The following GTSE1 variants were observed in gnomAD, a reference collection of about 807,000 sequenced individuals.
GTSE1 encodes G2 and S-phase expressed 1.
GTSE1 carries 52 observed loss-of-function variants against 60.5 expected under a neutral mutation model. The ratio of observed to expected loss-of-function variants is 0.86; its 90% CI spans 0.69 to 1.08. GTSE1 has a LOEUF of 1.08. GTSE1 is among the 50% of genes least tolerant of loss of function. The pLI, the probability that GTSE1 is intolerant of heterozygous loss-of-function variation, is 0.00. For missense variants in GTSE1, 937 were observed against 961.8 expected (o/e 0.97, Z 0.34); for synonymous variants, 368 against 386.5 (o/e 0.95, Z 0.56).
chr22:46,310,078 C>G lies in GTSE1; in HGVS notation c.762+1135C>G, dbSNP rs1293110521. 6.6e-6 allele frequency among the ~76,000 whole-genome samples: 1 copy of G among 152,190 alleles called. No homozygotes were observed. Among genetic ancestry groups the G allele is most frequent in the Non-Finnish European group, 1.5e-5 (1 of 68,034 alleles). The stretch of plus-strand genomic sequence containing the variant: ...GGGCACTGTCCGCACAGCTGAGATG[C>G]ACTCATGCACACGTGGGAGCCCCAC... On this transcript the variant is annotated intron_variant, in intron 4 of 11. Coordinates refer to ENST00000454366, the MANE Select transcript of GTSE1 (RefSeq NM_016426.7). This position sits in a 1 kb window ranked among gnomAD's most constrained non-coding sequence, Gnocchi z 4.4.
chr22:46,298,781 C>T (rs550587944), intron 2 of GTSE1, among the ~76,000 whole-genome samples: 2 of 152,354 alleles, frequency 1.3e-5, no homozygotes, highest in South Asian at 4.1e-4. Context: ...CCTGCTCCTT[C>T]TTGAGGCCTT....
intron 8 of GTSE1, among the ~76,000 whole-genome samples, chr22:46,325,881 G>A (rs1488627309): frequency 6.6e-6 from 1 of 152,240 alleles, no homozygotes; most frequent in East Asian, 1.9e-4. Flanking sequence ...TGGGTAGCCC[G>A]AACCACAGGT....
At chr22:46,312,097 G>C (rs781419940) in intron 4 of GTSE1, 44 bp from the exon 5 acceptor site, 1 of 1,531,222 alleles carries the variant, frequency 6.5e-7, no homozygotes, top group Admixed American at 1.8e-5. Flanking sequence ...TCTGTACATT[G>C]TTAAGCACTA....
chr22:46,301,050 T>A (rs2077686650), intron 2 of GTSE1, among the ~76,000 whole-genome samples: 1 of 152,226 alleles, frequency 6.6e-6, no homozygotes, highest in Non-Finnish European at 1.5e-5. Flanking sequence ...TTAATTTATC[T>A]TGATGAATAT....
rs1467147705 is a variant in GTSE1, at chr22:46,319,993, A to AAG, written c.1433-3196_1433-3195insGA. On this transcript the variant is annotated intron_variant, in intron 7 of 11. Transcript: ENST00000454366. The surrounding 1 kb of genome is among the most constrained non-coding windows in gnomAD (Gnocchi z 5.0). ...GAACGAGACTGTCTCAAAAAAAAAA[A>AAG]AAAGAAAGAAAGAAAGAAAAGAAAT... is the stretch of plus-strand genomic sequence containing the variant. Among the ~76,000 whole-genome samples the AAG allele has an allele frequency of 3.3e-5, 5 of 151,046 alleles. No individual in the cohort carries two copies. The highest frequency in any genetic ancestry group is 1.2e-4 in the African/African-American group (5 of 40,560).
intron 2 of GTSE1, among the ~76,000 whole-genome samples, chr22:46,301,556 C>T (rs192921922): frequency 3.3e-5 from 5 of 150,750 alleles, no homozygotes; most frequent in East Asian, 2.0e-4. Context: ...GGTGCGATCT[C>T]GGCTCACTGC....
At chr22:46,315,713 A>T (rs1473130974) in intron 6 of GTSE1, among the ~76,000 whole-genome samples, 1 of 152,212 alleles carries the variant, frequency 6.6e-6, no homozygotes, top group Admixed American at 6.5e-5. Context: ...ATGTGACTAG[A>T]CTATCCCCTT....
Position 46,316,063 on chromosome 22 carries a change from A to C in GTSE1, c.1083A>C (p.Ala361=). ...AKSSEFASIP[A]NSSRPLSNIS... is the part of the protein sequence containing the mutation. ...CAAGTGAATTTGCAAGTATTCCTGC[A>C]AATAGCTCCCGGCCTCTGTCAAACA... is the stretch of plus-strand genomic sequence containing the variant. The change falls in exon 7 of 12, where the codon GCA becomes GCC. Residue 361 remains alanine (A), a synonymous_variant. Transcript: ENST00000454366. The surrounding 1 kb of genome is among the most constrained non-coding windows in gnomAD (Gnocchi z 5.0). The C allele has an allele frequency of 6.6e-7, 1 of 1,518,018 alleles. No individual in the cohort carries two copies. Among genetic ancestry groups the C allele is most frequent in the Admixed American group, 2.3e-5 (1 of 44,300 alleles). 94.0% of individuals were successfully genotyped at this position (1,518,018 alleles called of 1,614,324 possible). A position where few individuals can be genotyped will look rare whatever the true frequency, so the allele number is the denominator to read the frequency against.
At chr22:46,311,190 G>C (rs1482286519) in intron 4 of GTSE1, among the ~76,000 whole-genome samples, 3 of 152,016 alleles carry the variant, frequency 2.0e-5, no homozygotes, top group Admixed American at 2.0e-4. Context: ...CAGTCCTCCT[G>C]TCTCAGCCTC....
In GTSE1 at chr22:46,313,535, G is replaced by A. The variant is rs1254163246; in HGVS notation, c.928-355G>A. Reference sequence around the variant, plus strand: ...TTGTTGTTGTTGTTGTTGAGACGGAGTCTCACTCTGTCGCCCAGGCTGGAG... The same window carrying A: ...TTGTTGTTGTTGTTGTTGAGACGGAATCTCACTCTGTCGCCCAGGCTGGAG... On this transcript the variant is annotated intron_variant, in intron 5 of 11. Coordinates refer to ENST00000454366, the MANE Select transcript of GTSE1 (RefSeq NM_016426.7). This position sits in a 1 kb window ranked among gnomAD's most constrained non-coding sequence, Gnocchi z 4.4. 1.3e-5 allele frequency among the ~76,000 whole-genome samples: 2 copies of A among 152,210 alleles called. No individual in the cohort carries two copies. The highest frequency in any genetic ancestry group is 2.9e-5 in the Non-Finnish European group (2 of 68,046).
Position 46,323,251 on chromosome 22 carries a change from G to A in GTSE1, c.1494G>A (p.Thr498=), listed in dbSNP as rs1048942323. The A allele has an allele frequency of 1.1e-5, 17 of 1,613,138 alleles. No homozygotes were observed. The East Asian group carries it at 1.1e-4, about 11-fold the overall frequency. ...GGGCACAGCGGCCGCAGTCGTGCAC[G>A]TCAGTTGGCAGGTGAGTGACGTTGG... ...LSRAQRPQSC[T]SVGRVTVHST... The change falls in exon 8 of 12, where the codon ACG becomes ACA. Residue 498 remains threonine, a synonymous_variant. Coordinates refer to ENST00000454366, the MANE Select transcript of GTSE1 (RefSeq NM_016426.7).
chr22:46,330,056 C>A lies in GTSE1; in HGVS notation c.2146C>A (p.Leu716Met). Residue 716 changes from leucine to methionine, a missense_variant, in exon 12 of 12, where the codon CTG (leucine) becomes ATG (methionine). Physicochemically the swap from Leu to Met is conservative, Grantham distance 15. Coordinates refer to ENST00000454366, the MANE Select transcript of GTSE1 (RefSeq NM_016426.7). This position sits in a 1 kb window ranked among gnomAD's most constrained non-coding sequence, Gnocchi z 6.0. ...CTCTGCTCTCTTCCAGCTCATAGAC[C>A]TGAGCTCCCCTCTGATCCAGCTGAG... Reference protein sequence around the residue: ...PSPVVGQLIDLSSPLIQLSPE... With the variant: ...PSPVVGQLIDMSSPLIQLSPE... 6.2e-7 allele frequency: 1 copy of A among 1,602,300 alleles called. No individual in the cohort carries two copies. The highest frequency in any genetic ancestry group is 8.6e-7 in the Non-Finnish European group (1 of 1,169,136).
intron 2 of GTSE1, among the ~76,000 whole-genome samples, chr22:46,298,588 G>A (rs1038469044): frequency 6.6e-6 from 1 of 152,204 alleles, no homozygotes; most frequent in East Asian, 1.9e-4. Context: ...GATTACAGGT[G>A]TGAACCACCG....
chr22:46,315,970 T>C, intron 6 of GTSE1, 62 bp from the exon 7 acceptor site: 1 of 1,265,004 alleles, frequency 7.9e-7, no homozygotes, highest in Non-Finnish European at 1.1e-6. Context: ...ATAACTTCTG[T>C]GTGTTTGTTA....
intron 10 of GTSE1, 71 bp downstream of exon 10, chr22:46,328,960 C>T: frequency 7.9e-7 from 1 of 1,262,158 alleles, no homozygotes; most frequent in South Asian, 1.2e-5. Flanking sequence ...GCCCGTGGAA[C>T]CCAGGGCTGT....
Position 46,308,496 on chromosome 22 carries a change from T to A in GTSE1, c.315T>A (p.Ala105=), listed in dbSNP as rs1415647418. Residue 105 remains alanine, a synonymous_variant, in exon 4 of 12, where the codon GCT becomes GCA. Coordinates refer to ENST00000454366, the MANE Select transcript of GTSE1 (RefSeq NM_016426.7). ...AGTTCGTGGAGGTGTACAAAGAAGC[T>A]CACTTACTGGCTTTACACATTGAGA... ...GEKFVEVYKE[A]HLLALHIESS... 6.2e-7 allele frequency: 1 copy of A among 1,614,134 alleles called. No individual in the cohort carries two copies.
At chr22:46,315,474 G>A (rs1028852619) in intron 6 of GTSE1, among the ~76,000 whole-genome samples, 1 of 148,884 alleles carries the variant, frequency 6.7e-6, no homozygotes, top group Admixed American at 6.6e-5. Context: ...GATTACAGGC[G>A]TGAGCCACCA....
At position 46,304,845 on chromosome 22, in the gene GTSE1, T is replaced by G. The variant is rs6008583; in HGVS notation, c.80-3305T>G. ...AATACAAATATTAGCCAGGGATGGT[T>G]GTGCGTGCCTGTAGTCCCAGCTACT... On this transcript the variant is annotated intron_variant, in intron 2 of 11. Transcript: ENST00000454366. This position sits in a 1 kb window ranked among gnomAD's most constrained non-coding sequence, Gnocchi z 4.4. Among the ~76,000 whole-genome samples the G allele has an allele frequency of 0.23, 35,727 of 152,100 alleles. 6,669 individuals are homozygous for G. The highest frequency in any genetic ancestry group is 0.52 in the African/African-American group (21,392 of 41,430).
rs1006232619 is a variant in GTSE1, at chr22:46,314,082, T to C, written c.1051+69T>C. 3.8e-5 allele frequency: 60 copies of C among 1,579,588 alleles called. No individual in the cohort carries two copies. The African/African-American group carries it at 7.4e-4, about 20-fold the overall frequency. ...GAGGCCTGGAGTGCTGCTCAGGCCT[T>C]GGAGACTGTTTCTGCAGAACCACTT... On this transcript the variant is annotated intron_variant, in intron 6 of 11. Transcript: ENST00000454366. The surrounding 1 kb of genome is among the most constrained non-coding windows in gnomAD (Gnocchi z 7.1).
Sources: allele counts gnomAD v4.1 joint callset (sites outside exome capture counted in the v4.1 genomes callset), GRCh38; gene constraint gnomAD v4.1.1; non-coding constraint Gnocchi (gnomAD v3.1); transcripts MANE v1.5; gene names NCBI Gene and HGNC (gene_info 2026-07-23, HGNC 2026-07-21).